The following EPHA6 variants were observed in gnomAD, a reference collection of about 807,000 sequenced individuals.
EPHA6 encodes ephrin type-A receptor 6.
A neutral mutation model predicts 112.0 loss-of-function variants in EPHA6; 50 were observed. That is an observed-to-expected ratio of 0.45 (90% CI 0.36 to 0.56). EPHA6 has a LOEUF of 0.56. Among genes scored for constraint, EPHA6 ranks in the 20% least tolerant of loss-of-function variants. The pLI is 0.00. For missense variants in EPHA6, 1,280 were observed against 1,417.4 expected (o/e 0.90, Z 1.56); for synonymous variants, 529 against 490.7 (o/e 1.08, Z -1.03).
intron 7 of EPHA6, among the ~76,000 whole-genome samples, chr3:97,471,991 C>T (rs966814017): frequency 6.6e-6 from 1 of 151,736 alleles, no homozygotes; most frequent in Non-Finnish European, 1.5e-5. Flanking sequence ...TTGCATAACT[C>T]ATCTCTGCCT....
At chr3:96,980,243 G>T (rs1432442965) in intron 2 of EPHA6, among the ~76,000 whole-genome samples, 2 of 152,142 alleles carry the variant, frequency 1.3e-5, no homozygotes, top group South Asian at 2.1e-4. Context: ...GTGTAAGGAA[G>T]GGATCCAGTT....
chr3:97,548,416 G>C (rs2092986769), intron 11 of EPHA6, among the ~76,000 whole-genome samples: 1 of 151,982 alleles, frequency 6.6e-6, no homozygotes, highest in Admixed American at 6.5e-5. Flanking sequence ...TTCCCTTTTT[G>C]TAAAAAATAT....
At chr3:97,106,823 G>C (rs2047584592) in intron 3 of EPHA6, among the ~76,000 whole-genome samples, 1 of 152,078 alleles carries the variant, frequency 6.6e-6, no homozygotes, top group African/African-American at 2.4e-5. Flanking sequence ...TTGAGCAGTG[G>C]GGCACTGAAG....
intron 11 of EPHA6, among the ~76,000 whole-genome samples, chr3:97,589,345 T>C (rs1302006188): frequency 1.3e-5 from 2 of 152,138 alleles, no homozygotes; most frequent in African/African-American, 2.4e-5. Flanking sequence ...CAGTTTACTG[T>C]AATCAGAATG....
chr3:97,519,685 A>G (rs2092505573), intron 10 of EPHA6, among the ~76,000 whole-genome samples: 1 of 151,972 alleles, frequency 6.6e-6, no homozygotes, highest in African/African-American at 2.4e-5. Context: ...CCTCATAGAG[A>G]TCTTTTATCT....
At chr3:97,463,567 A>G (rs556935792) in intron 7 of EPHA6, among the ~76,000 whole-genome samples, 1 of 152,280 alleles carries the variant, frequency 6.6e-6, no homozygotes, top group South Asian at 2.1e-4. Flanking sequence ...CTCATGAAGC[A>G]CAAATGTTCT....
Position 97,448,564 on chromosome 3 carries a change from C to T in EPHA6, c.1732-4C>T, listed in dbSNP as rs375807591. 1 of 1,611,854 alleles carries T rather than the reference C, an allele frequency of 6.2e-7. No homozygotes were observed. The highest frequency in any genetic ancestry group is 8.5e-7 in the Non-Finnish European group (1 of 1,179,012). On this transcript the variant is annotated splice_polypyrimidine_tract_variant and splice_region_variant and intron_variant, in intron 6 of 17. Coordinates refer to ENST00000389672, the MANE Select transcript of EPHA6 (RefSeq NM_001080448.3). Reference sequence around the variant, plus strand: ...TTCCTTTCTCCTTTTTTTCTGTCCCCCAGGAACATGAGCAGCTGACCTACT... The same window carrying T: ...TTCCTTTCTCCTTTTTTTCTGTCCCTCAGGAACATGAGCAGCTGACCTACT...
chr3:97,316,724 T>C (rs914835327), intron 5 of EPHA6, among the ~76,000 whole-genome samples: 5 of 151,964 alleles, frequency 3.3e-5, no homozygotes, highest in Non-Finnish European at 2.9e-5. Flanking sequence ...TGTTTCTAGT[T>C]TGATTTTACA....
Position 97,448,574 on chromosome 3 carries a change from G to C in EPHA6, c.1738G>C (p.Glu580Gln). ...CTTTTTTTCTGTCCCCCAGGAACAT[G>C]AGCAGCTGACCTACTCTTCCACAAG... ...YEIKYYEKEH[E>Q]QLTYSSTRSK... The change falls in exon 7 of 18, where the codon GAG (glutamate) becomes CAG (glutamine). Residue 580 changes from glutamate to glutamine, a missense_variant. Coordinates refer to ENST00000389672, the MANE Select transcript of EPHA6 (RefSeq NM_001080448.3). 7.4e-6 allele frequency: 12 copies of C among 1,613,290 alleles called. No individual in the cohort carries two copies. Among genetic ancestry groups the C allele is most frequent in the Non-Finnish European group, 9.3e-6 (11 of 1,179,456 alleles).
chr3:97,124,238 T>C (rs974736151), intron 3 of EPHA6, among the ~76,000 whole-genome samples: 2 of 152,040 alleles, frequency 1.3e-5, no homozygotes, highest in African/African-American at 2.4e-5. Flanking sequence ...ATGCCAACTA[T>C]GTTGACTCCA....
intron 6 of EPHA6, among the ~76,000 whole-genome samples, chr3:97,430,339 T>C (rs896773121): frequency 1.3e-5 from 2 of 152,242 alleles, no homozygotes; most frequent in African/African-American, 2.4e-5. Context: ...CAGTTTCTGA[T>C]TTTAAATTAA....
At chr3:97,515,412 G>A (rs1560089901) in intron 10 of EPHA6, among the ~76,000 whole-genome samples, 1 of 152,244 alleles carries the variant, frequency 6.6e-6, no homozygotes, top group East Asian at 1.9e-4. Flanking sequence ...ACTGAGATTC[G>A]AAGACATTGA....
intron 1 of EPHA6, among the ~76,000 whole-genome samples, chr3:96,842,048 A>G (rs770975375): frequency 6.6e-6 from 1 of 152,064 alleles, no homozygotes; most frequent in Non-Finnish European, 1.5e-5. Context: ...CGAAGCCAGG[A>G]GAGGAAATAC....
intron 5 of EPHA6, among the ~76,000 whole-genome samples, chr3:97,328,008 T>TCACACACAC (rs2082548940): frequency 2.9e-5 from 4 of 135,670 alleles, no homozygotes; most frequent in African/African-American, 1.3e-4. Context: ...TATGTATATG[T>TCACACACAC]ATATGTGTAT....
At chr3:97,217,362 C>T (rs1225848521) in intron 3 of EPHA6, among the ~76,000 whole-genome samples, 3 of 151,900 alleles carry the variant, frequency 2.0e-5, no homozygotes, top group Non-Finnish European at 2.9e-5. Flanking sequence ...TCTAAAAGAA[C>T]ATAGGAAAAG....
chr3:97,244,513 T>A lies in EPHA6; in HGVS notation c.1606+226T>A, dbSNP rs1265952589. 19 of 533,398 alleles carry A rather than the reference T, an allele frequency of 3.6e-5. No homozygotes were observed. The East Asian group carries it at 5.4e-4, about 15-fold the overall frequency. 33.0% of individuals were successfully genotyped at this position (533,398 alleles called of 1,614,324 possible). A position where few individuals can be genotyped will look rare whatever the true frequency, so the allele number is the denominator to read the frequency against. ...TAAGATGAAATGCTTCCCTCCACTGTTTATGTACTCATGTATTTTGTATAA... is the reference window on the plus strand; with the variant it reads ...TAAGATGAAATGCTTCCCTCCACTGATTATGTACTCATGTATTTTGTATAA... On this transcript the variant is annotated intron_variant, in intron 5 of 17. Coordinates refer to ENST00000389672, the MANE Select transcript of EPHA6 (RefSeq NM_001080448.3).
At chr3:97,318,726 A>C (rs2081962464) in intron 5 of EPHA6, among the ~76,000 whole-genome samples, 1 of 151,992 alleles carries the variant, frequency 6.6e-6, no homozygotes, top group African/African-American at 2.4e-5. Context: ...AATATTCTTT[A>C]TGATAACATG....
intron 5 of EPHA6, among the ~76,000 whole-genome samples, chr3:97,275,391 A>AG (rs2080036789): frequency 6.6e-6 from 1 of 152,176 alleles, no homozygotes; most frequent in Admixed American, 6.5e-5. Context: ...GATGGGTGTC[A>AG]GGGTCAGTCT....
At chr3:97,096,475 AT>A (rs1332152889) in intron 3 of EPHA6, among the ~76,000 whole-genome samples, 7 of 151,900 alleles carry the variant, frequency 4.6e-5, no homozygotes, top group Non-Finnish European at 1.0e-4. Flanking sequence ...TAATAATGAG[AT>A]TTACTGACTT....
Sources: allele counts gnomAD v4.1 joint callset (sites outside exome capture counted in the v4.1 genomes callset), GRCh38; gene constraint gnomAD v4.1.1; transcripts MANE v1.5; gene names NCBI Gene and HGNC (gene_info 2026-07-23, HGNC 2026-07-21).